DIAPH2: variants seen among roughly 807,000 people sequenced by gnomAD.
DIAPH2 encodes diaphanous related formin 2, also known as protein diaphanous homolog 2.
A neutral mutation model predicts 92.7 loss-of-function variants in DIAPH2; 35 were observed. That is an observed-to-expected ratio of 0.38 (90% CI 0.29 to 0.50). The LOEUF (loss-of-function observed/expected upper bound fraction) is 0.50, where lower values mean the gene tolerates loss of function less well. Among genes scored for constraint, DIAPH2 ranks in the 20% least tolerant of loss-of-function variants. The pLI is 0.94. For synonymous variants in DIAPH2, 301 were observed against 280.4 expected, an observed-to-expected ratio of 1.07 and a Z score of -0.73; for missense variants, 701 against 819.5, an observed-to-expected ratio of 0.86 and a Z score of 1.77.
chrX:97,100,259 T>C (rs2066897401), intron 20 of DIAPH2, among the ~76,000 whole-genome samples: 1 of 111,558 alleles, frequency 9.0e-6, no homozygotes, highest in Non-Finnish European at 1.9e-5. Context: ...TCAGATTTCA[T>C]ATAGAGTGTC....
intron 26 of DIAPH2, among the ~76,000 whole-genome samples, chrX:97,551,620 A>C (rs1160117279): frequency 9.1e-6 from 1 of 110,285 alleles, no homozygotes; most frequent in African/African-American, 3.3e-5. Flanking sequence ...ATTAAAATTA[A>C]ATTTAAAAAT....
In DIAPH2 at chrX:97,412,393, C is replaced by T. The variant is rs748070626; in HGVS notation, c.3146-17257C>T. Reference sequence around the variant, plus strand: ...ACAACATACAAGAATCTCTGGGACACATTTAAAGCAGCATGTAGAGGAAAA... The same window carrying T: ...ACAACATACAAGAATCTCTGGGACATATTTAAAGCAGCATGTAGAGGAAAA... On this transcript the variant is annotated intron_variant, in intron 25 of 26. Coordinates refer to ENST00000324765, the MANE Select transcript of DIAPH2 (RefSeq NM_006729.5). Among the ~76,000 whole-genome samples, 6 of 112,170 alleles carry T rather than the reference C, an allele frequency of 5.3e-5. No homozygotes were observed. The East Asian group carries it at 1.7e-3, about 31-fold the overall frequency.
At chrX:97,185,366 T>TAC (rs2067578419) in intron 22 of DIAPH2, among the ~76,000 whole-genome samples, 2 of 56,224 alleles carry the variant, frequency 3.6e-5, no homozygotes, top group African/African-American at 2.5e-4. Flanking sequence ...TGTATATATA[T>TAC]ATGTATATAT....
chrX:97,145,470 A>G (rs1028414871), intron 22 of DIAPH2, among the ~76,000 whole-genome samples: 2 of 109,925 alleles, frequency 1.8e-5, no homozygotes, highest in African/African-American at 6.6e-5. Context: ...TTTGTTTCCT[A>G]TTCCTGGGCT....
intron 26 of DIAPH2, among the ~76,000 whole-genome samples, chrX:97,594,567 G>T (rs1479292470): frequency 8.9e-6 from 1 of 112,633 alleles, no homozygotes; most frequent in Non-Finnish European, 1.9e-5. Context: ...AGCCTAAGCT[G>T]CAATAGACCC....
At chrX:97,119,685 A>C (rs1335372356) in intron 21 of DIAPH2, among the ~76,000 whole-genome samples, 1 of 111,461 alleles carries the variant, frequency 9.0e-6, no homozygotes, top group Non-Finnish European at 1.9e-5. Flanking sequence ...GGGCAGGTCT[A>C]GGCATGTCTG....
chrX:96,825,714 C>A (rs1421263559), intron 4 of DIAPH2, among the ~76,000 whole-genome samples: 1 of 111,410 alleles, frequency 9.0e-6, no homozygotes, highest in African/African-American at 3.3e-5. Context: ...ACTCTAGTCA[C>A]TCCTCATCTG....
intron 24 of DIAPH2, among the ~76,000 whole-genome samples, chrX:97,353,773 C>T (rs2069240243): frequency 9.0e-6 from 1 of 111,344 alleles, no homozygotes; most frequent in East Asian, 2.8e-4. Context: ...ATCAAGTAAT[C>T]ATAGCGTTTT....
chrX:97,470,134 GA>G (rs762958719), intron 26 of DIAPH2, among the ~76,000 whole-genome samples: 106 of 111,428 alleles, frequency 9.5e-4, no homozygotes, highest in African/African-American at 3.3e-3. Flanking sequence ...TTATTGGAGT[GA>G]CTATTATATA....
At chrX:97,227,973 T>C (rs1286798091) in intron 22 of DIAPH2, among the ~76,000 whole-genome samples, 1 of 111,358 alleles carries the variant, frequency 9.0e-6, no homozygotes, top group African/African-American at 3.3e-5. Flanking sequence ...CTATATGAGC[T>C]CACTGCAGCC....
intron 25 of DIAPH2, among the ~76,000 whole-genome samples, chrX:97,416,777 C>G (rs766365419): frequency 8.9e-6 from 1 of 112,009 alleles, no homozygotes; most frequent in African/African-American, 3.2e-5. Context: ...TTATACTAAC[C>G]CCTCATCTTT....
intron 3 of DIAPH2, among the ~76,000 whole-genome samples, chrX:96,743,763 A>G (rs2064133391): frequency 9.0e-6 from 1 of 111,528 alleles, no homozygotes; most frequent in Non-Finnish European, 1.9e-5. Context: ...AGATAGAGGA[A>G]TAACTTCAAG....
chrX:96,909,434 G>A (rs1343677508), intron 5 of DIAPH2, among the ~76,000 whole-genome samples: 1 of 111,266 alleles, frequency 9.0e-6, no homozygotes, highest in African/African-American at 3.3e-5. Context: ...AAAACAGTAA[G>A]TGCTTGGCTG....
intron 26 of DIAPH2, chrX:97,533,035 T>G (rs920880527): frequency 1.8e-5 from 2 of 111,885 alleles, no homozygotes; most frequent in African/African-American, 6.5e-5. Context: ...TATGAATATT[T>G]TGAATATTTT....
intron 23 of DIAPH2, among the ~76,000 whole-genome samples, chrX:97,254,730 T>C (rs1296758273): frequency 1.8e-5 from 2 of 109,760 alleles, no homozygotes; most frequent in Non-Finnish European, 3.8e-5. Context: ...TTATTTATTT[T>C]ATTTTATTTT....
At chrX:97,469,913 C>T (rs745336489) in intron 26 of DIAPH2, 3 of 807,269 alleles carry the variant, frequency 3.7e-6, no homozygotes, top group Non-Finnish European at 5.0e-6. Context: ...CCCTTAATAC[C>T]GATTTCATGA....
chrX:97,027,869 A>G (rs929026069), intron 17 of DIAPH2, among the ~76,000 whole-genome samples: 2 of 112,163 alleles, frequency 1.8e-5, no homozygotes, highest in Non-Finnish European at 3.8e-5. Flanking sequence ...GAGTCTCCCT[A>G]TGTTTCTTTC....
chrX:97,419,447 G>T (rs1366506163), intron 25 of DIAPH2, among the ~76,000 whole-genome samples: 2 of 112,334 alleles, frequency 1.8e-5, no homozygotes, highest in African/African-American at 3.2e-5. Flanking sequence ...TTTGAATTTT[G>T]TGAAATTGTT....
intron 21 of DIAPH2, among the ~76,000 whole-genome samples, chrX:97,121,548 A>G (rs2067058428): frequency 8.9e-6 from 1 of 112,387 alleles, no homozygotes; most frequent in South Asian, 3.6e-4. Flanking sequence ...AGGATTTGTT[A>G]TTAATACTCA....
Sources: allele counts gnomAD v4.1 joint callset (sites outside exome capture counted in the v4.1 genomes callset), GRCh38; gene constraint gnomAD v4.1.1; transcripts MANE v1.5; gene names NCBI Gene and HGNC (gene_info 2026-07-23, HGNC 2026-07-21).